The following GRIP1 variants were observed in gnomAD, a reference collection of about 807,000 sequenced individuals.
GRIP1 encodes the protein glutamate receptor-interacting protein 1.
GRIP1 carries 45 observed loss-of-function variants against 129.9 expected under a neutral mutation model. That is an observed-to-expected ratio of 0.35 (90% CI 0.27 to 0.44). The LOEUF (loss-of-function observed/expected upper bound fraction) is 0.44. Ranked by LOEUF, GRIP1 falls within the 20% of genes least tolerant of loss-of-function variation. The pLI, the probability that GRIP1 is intolerant of heterozygous loss-of-function variation, is 1.00. For missense variants in GRIP1, 1,196 were observed against 1,396.8 expected (o/e 0.86, Z 2.29); for synonymous variants, 530 against 520.8 (o/e 1.02, Z -0.24).
chr12:66,767,204 T>G (rs538747016), intron 1 of GRIP1, among the ~76,000 whole-genome samples: 1 of 152,330 alleles, frequency 6.6e-6, no homozygotes, highest in Non-Finnish European at 1.5e-5. Flanking sequence ...AAACTCAGTT[T>G]AAAATACTAT....
At chr12:66,925,210 A>G (rs12810010) in intron 1 of GRIP1, among the ~76,000 whole-genome samples, 26,564 of 152,082 alleles carry the variant, frequency 0.17, 2,915 homozygotes, top group South Asian at 0.26. Context: ...CCCATATACA[A>G]AGTCAGAGAA....
At chr12:66,451,698 CT>C (rs2058811918) in intron 11 of GRIP1, among the ~76,000 whole-genome samples, 1 of 152,030 alleles carries the variant, frequency 6.6e-6, no homozygotes, top group Admixed American at 6.6e-5. Context: ...ATTATTGATC[CT>C]GTAATCTAAG....
At chr12:67,000,221 G>T (rs987470591) in intron 1 of GRIP1, among the ~76,000 whole-genome samples, 3 of 151,894 alleles carry the variant, frequency 2.0e-5, no homozygotes, top group Non-Finnish European at 4.4e-5. Context: ...AGTACTACAG[G>T]GCAAAAGGAA....
intron 1 of GRIP1, among the ~76,000 whole-genome samples, chr12:67,025,663 C>G (rs551655426): frequency 3.3e-5 from 5 of 152,226 alleles, no homozygotes; most frequent in South Asian, 2.1e-4. Context: ...TTTCTCTCCC[C>G]CCAGGGTTTA....
In GRIP1 at chr12:66,426,827, T is replaced by C. The variant is rs189424976; in HGVS notation, c.1768+5721A>G. 7.2e-4 allele frequency among the ~76,000 whole-genome samples: 109 copies of C among 152,318 alleles called. 1 individual carries two copies. Among genetic ancestry groups the C allele is most frequent in the African/African-American group, 2.5e-3 (103 of 41,574 alleles). The stretch of plus-strand genomic sequence containing the variant: ...ATTAAACTTGGCTATCTGGCTTCTT[T>C]AAGCTTCCTGGGGGAAGAAGGCTCT... On this transcript the variant is annotated intron_variant, in intron 14 of 24. Coordinates refer to ENST00000359742, the MANE Select transcript of GRIP1 (RefSeq NM_001366722.1).
chr12:66,847,066 T>C (rs1290487742), intron 1 of GRIP1, among the ~76,000 whole-genome samples: 2 of 152,118 alleles, frequency 1.3e-5, no homozygotes, highest in African/African-American at 2.4e-5. Context: ...ATTAATCAGC[T>C]GCTCCATAAG....
intron 15 of GRIP1, among the ~76,000 whole-genome samples, chr12:66,412,201 GA>G (rs2057426856): frequency 6.6e-6 from 1 of 152,104 alleles, no homozygotes; most frequent in Non-Finnish European, 1.5e-5. Context: ...AGGTCGAAAT[GA>G]AAGAAAAAAA....
chr12:66,685,115 T>C (rs1312529631), intron 1 of GRIP1, among the ~76,000 whole-genome samples: 1 of 152,144 alleles, frequency 6.6e-6, no homozygotes, highest in Middle Eastern at 3.2e-3. Context: ...TCACAGTTAC[T>C]GTGCACAGGA....
At chr12:66,876,132 G>A (rs893671616) in intron 1 of GRIP1, among the ~76,000 whole-genome samples, 1 of 151,972 alleles carries the variant, frequency 6.6e-6, no homozygotes, top group Non-Finnish European at 1.5e-5. Context: ...CTGCAAGAGC[G>A]ATAATGAGGA....
At chr12:66,525,219 C>T (rs1437391768) in intron 5 of GRIP1, among the ~76,000 whole-genome samples, 1 of 151,964 alleles carries the variant, frequency 6.6e-6, no homozygotes, top group Non-Finnish European at 1.5e-5. Flanking sequence ...CTGGCAGAGA[C>T]ACAACCAAAA....
intron 1 of GRIP1, among the ~76,000 whole-genome samples, chr12:66,937,710 G>A (rs779132764): frequency 1.1e-4 from 17 of 152,172 alleles, no homozygotes; most frequent in Non-Finnish European, 1.9e-4. Flanking sequence ...GTGGAGATGT[G>A]ATAAGACATT....
chr12:66,395,201 T>C (rs2056743782), intron 16 of GRIP1, among the ~76,000 whole-genome samples: 1 of 152,174 alleles, frequency 6.6e-6, no homozygotes, highest in Admixed American at 6.6e-5. Context: ...GGTGTCAGAG[T>C]TGCAAATAAG....
chr12:66,947,464 T>C (rs2041691417), intron 1 of GRIP1, among the ~76,000 whole-genome samples: 1 of 152,208 alleles, frequency 6.6e-6, no homozygotes, highest in Non-Finnish European at 1.5e-5. Context: ...CTGTGATTGT[T>C]GCTGATTAAT....
chr12:67,054,929 G>A (rs1439589130), intron 1 of GRIP1, among the ~76,000 whole-genome samples: 3 of 152,126 alleles, frequency 2.0e-5, no homozygotes, highest in South Asian at 4.1e-4. Context: ...TCCAGTAGGG[G>A]ACTAATTATC....
chr12:66,922,848 A>T (rs1279669034), intron 1 of GRIP1, among the ~76,000 whole-genome samples: 1 of 152,200 alleles, frequency 6.6e-6, no homozygotes, highest in Non-Finnish European at 1.5e-5. Context: ...AGAAAAGTAG[A>T]TCAAAAAGAC....
chr12:66,945,408 A>G lies in GRIP1; in HGVS notation c.58+123642T>C, dbSNP rs577348816. Among the ~76,000 whole-genome samples the G allele has an allele frequency of 3.9e-5, 6 of 152,328 alleles. No individual in the cohort carries two copies. The East Asian group carries it at 1.2e-3, about 29-fold the overall frequency. ...ATTATCTGAGGCTGAGTAATTTATAAAGAAAAGAGTGTTTAATTGGCTTAC... is the reference window on the plus strand; with the variant it reads ...ATTATCTGAGGCTGAGTAATTTATAGAGAAAAGAGTGTTTAATTGGCTTAC... On this transcript the variant is annotated intron_variant, in intron 1 of 1. Coordinates refer to the GRIP1 transcript ENST00000643019.
chr12:66,883,775 G>T (rs1213454283), intron 1 of GRIP1, among the ~76,000 whole-genome samples: 2 of 152,214 alleles, frequency 1.3e-5, no homozygotes, highest in African/African-American at 4.8e-5. Flanking sequence ...CTACATAGTG[G>T]AGAAGAGGGC....
chr12:66,432,745 C>T, intron 13 of GRIP1, 117 bp from the exon 14 acceptor site: 7 of 549,908 alleles, frequency 1.3e-5, no homozygotes, highest in South Asian at 1.1e-4. Flanking sequence ...ACTGTAGGAA[C>T]TGAAGTAAGA....
intron 1 of GRIP1, among the ~76,000 whole-genome samples, chr12:66,987,166 G>A (rs1434849407): frequency 2.0e-5 from 3 of 152,148 alleles, no homozygotes; most frequent in Non-Finnish European, 4.4e-5. Context: ...CAAGGGAGCA[G>A]TTTGGGAGGG....
Sources: gnomAD v4.1 joint callset for allele counts (sites outside exome capture counted in the v4.1 genomes callset) on GRCh38, gnomAD v4.1.1 for gene constraint, MANE v1.5 for transcripts, NCBI Gene and HGNC (gene_info 2026-07-23, HGNC 2026-07-21) for gene names.